IQCB1: variants seen among roughly 807,000 people sequenced by gnomAD.
IQCB1 encodes the protein IQ calmodulin-binding motif-containing protein 1.
IQCB1 carries 56 observed loss-of-function variants against 84.4 expected under a neutral mutation model. That is an observed-to-expected ratio of 0.66 (90% confidence interval 0.54 to 0.83). The LOEUF (loss-of-function observed/expected upper bound fraction) is 0.83. Among genes scored for constraint, IQCB1 ranks in the 40% least tolerant of loss-of-function variants. The probability of loss-of-function intolerance (pLI) is 0.00; values close to 1 mark genes in which losing one functional copy is unlikely to be tolerated. For synonymous variants in IQCB1, 210 were observed against 234.8 expected, an observed-to-expected ratio of 0.89 and a Z score of 0.96; for missense variants, 629 against 682.1, an observed-to-expected ratio of 0.92 and a Z score of 0.87.
intron 13 of IQCB1, among the ~76,000 whole-genome samples, chr3:121,780,150 G>A (rs1948411901): frequency 6.6e-6 from 1 of 152,052 alleles, no homozygotes; most frequent in African/African-American, 2.4e-5. Context: ...AGTTCCCTTG[G>A]TGTCACCTGA....
intron 7 of IQCB1, among the ~76,000 whole-genome samples, chr3:121,806,606 A>G (rs980323399): frequency 1.3e-5 from 2 of 151,960 alleles, no homozygotes; most frequent in African/African-American, 4.8e-5. Context: ...TCCCTGGCCA[A>G]TATACCATCC....
chr3:121,812,045 G>C (rs1949851152), intron 5 of IQCB1, among the ~76,000 whole-genome samples: 1 of 152,162 alleles, frequency 6.6e-6, no homozygotes. Flanking sequence ...AATCAGGCAG[G>C]TGCCACTCTG....
intron 12 of IQCB1, among the ~76,000 whole-genome samples, chr3:121,786,170 C>CGAAAAGAAAGAAAAGAAAAG (rs1553710812): frequency 2.7e-5 from 2 of 72,846 alleles, no homozygotes; most frequent in African/African-American, 1.3e-4. Context: ...GATTCTGTCT[C>CGAAAAGAAAGAAAAGAAAAG]AAAAGAAAAG....
chr3:121,821,022 GCT>G (rs1950256863), intron 5 of IQCB1, among the ~76,000 whole-genome samples: 1 of 149,472 alleles, frequency 6.7e-6, no homozygotes, highest in Non-Finnish European at 1.5e-5. Flanking sequence ...ATAGGATCTT[GCT>G]CTGTTGCCAA....
chr3:121,819,233 G>A (rs956850874), intron 5 of IQCB1, among the ~76,000 whole-genome samples: 3 of 152,208 alleles, frequency 2.0e-5, no homozygotes, highest in Non-Finnish European at 4.4e-5. Context: ...AGTCTCATCT[G>A]AGAGTGATGG....
intron 5 of IQCB1, among the ~76,000 whole-genome samples, chr3:121,824,907 T>C (rs1047959124): frequency 1.3e-5 from 2 of 152,154 alleles, no homozygotes; most frequent in Admixed American, 1.3e-4. Context: ...TACATACAAC[T>C]GCAGAGTTCA....
intron 7 of IQCB1, among the ~76,000 whole-genome samples, chr3:121,802,371 G>T (rs910236057): frequency 6.6e-6 from 1 of 151,962 alleles, no homozygotes; most frequent in African/African-American, 2.4e-5. Flanking sequence ...GGTAGTTTGC[G>T]TCTTTCAATA....
intron 5 of IQCB1, among the ~76,000 whole-genome samples, chr3:121,817,688 A>C (rs1950122937): frequency 6.6e-6 from 1 of 152,102 alleles, no homozygotes; most frequent in African/African-American, 2.4e-5. Context: ...AATAGAACTT[A>C]ATATAACCTG....
chr3:121,770,600 T>C (rs1426434009), intron 14 of IQCB1, 26 bp from the exon 15 acceptor site: 1 of 1,568,548 alleles, frequency 6.4e-7, no homozygotes, highest in Admixed American at 1.7e-5. Context: ...AATAAACAGA[T>C]GAGCAGAAGA....
In IQCB1 at chr3:121,808,993, T is replaced by C. The variant is rs764264105; in HGVS notation, c.410A>G (p.Glu137Gly). ...CACAATTTGGAAAAAGTGTAGTAAT[T>C]CATCTTTTTCTTCAGCCTTAACATA... ...INAAKAEEKD[E>G]LLHFFQIVTD... Residue 137 changes from glutamate to glycine, a missense_variant, in exon 6 of 15, where the codon GAA becomes GGA. Physicochemically the swap from Glu to Gly is moderately conservative, Grantham distance 98 (BLOSUM62 -2). Transcript: ENST00000310864. 6.9e-6 allele frequency: 11 copies of C among 1,603,478 alleles called. No individual in the cohort carries two copies. The East Asian group carries it at 2.2e-4, about 33-fold the overall frequency.
rs974135895 is a variant in IQCB1, at chr3:121,828,397, A to G, written c.263+73T>C. ...GCCAATGCTTGTTAGGCAGATAAAT[A>G]AAAAGCAAATGTTGAAAATCAGAAT... On this transcript the variant is annotated intron_variant, in intron 4 of 14. Coordinates refer to ENST00000310864, the MANE Select transcript of IQCB1 (RefSeq NM_001023570.4). 7 of 1,360,884 alleles carry G rather than the reference A, an allele frequency of 5.1e-6. No homozygotes were observed. In the African/African-American group the frequency reaches 7.2e-5, roughly 14 times the overall value. The allele number at this position is 1,360,884 out of a possible 1,614,324, so 84.3% of individuals were successfully genotyped here. A position where few individuals can be genotyped will look rare whatever the true frequency, so the allele number is the denominator to read the frequency against.
At chr3:121,814,263 G>A (rs1256414880) in intron 5 of IQCB1, among the ~76,000 whole-genome samples, 1 of 152,142 alleles carries the variant, frequency 6.6e-6, no homozygotes. Flanking sequence ...GACTCAGCTA[G>A]AACAGTGTGT....
intron 13 of IQCB1, among the ~76,000 whole-genome samples, chr3:121,778,961 T>C (rs1267689727): frequency 6.6e-6 from 1 of 152,074 alleles, no homozygotes; most frequent in Admixed American, 6.5e-5. Flanking sequence ...ATGTAATCTT[T>C]GTCTTTACGT....
chr3:121,815,044 T>A (rs1559791306), intron 5 of IQCB1, among the ~76,000 whole-genome samples: 1 of 152,044 alleles, frequency 6.6e-6, no homozygotes, highest in Non-Finnish European at 1.5e-5. Flanking sequence ...CAGCAGCACA[T>A]CAAAAAACTT....
chr3:121,788,516 C>T (rs1948828318), intron 11 of IQCB1, 84 bp from the exon 12 acceptor site: 4 of 1,244,380 alleles, frequency 3.2e-6, no homozygotes, highest in Non-Finnish European at 4.7e-6. Flanking sequence ...TAATAATAAT[C>T]TTGCATTCTT....
intron 5 of IQCB1, among the ~76,000 whole-genome samples, chr3:121,811,892 G>T (rs1025021154): frequency 6.6e-6 from 1 of 152,176 alleles, no homozygotes; most frequent in Non-Finnish European, 1.5e-5. Context: ...AGAGAGCGGC[G>T]CATCTCCCAG....
chr3:121,809,054 T>C, intron 5 of IQCB1, 45 bp from the exon 6 acceptor site: 1 of 1,218,904 alleles, frequency 8.2e-7, no homozygotes, highest in Non-Finnish European at 1.2e-6. Flanking sequence ...ATAGTTTTTT[T>C]CCTTTTTTTT....
intron 7 of IQCB1, among the ~76,000 whole-genome samples, chr3:121,806,367 T>A (rs1043931030): frequency 1.4e-4 from 21 of 152,112 alleles, no homozygotes. Flanking sequence ...TTTAAAAATC[T>A]TCAATGGTCC....
intron 12 of IQCB1, among the ~76,000 whole-genome samples, chr3:121,787,295 A>G (rs1291476221): frequency 6.6e-6 from 1 of 152,210 alleles, no homozygotes. Flanking sequence ...GTTAAGCTAA[A>G]TGCTATAGGA....
Sources: allele counts gnomAD v4.1 joint callset (sites outside exome capture counted in the v4.1 genomes callset), GRCh38; gene constraint gnomAD v4.1.1; transcripts MANE v1.5; gene names NCBI Gene and HGNC (gene_info 2026-07-23, HGNC 2026-07-21).